The following STAG1 variants were observed in gnomAD, a reference collection of about 807,000 sequenced individuals.
The protein encoded by STAG1 is STAG1 cohesin complex component, also known as cohesin subunit SA-1.
STAG1 carries 26 observed loss-of-function variants against 170.9 expected under a neutral mutation model. The observed-to-expected ratio is 0.15, with a 90% CI of 0.11 to 0.21. STAG1 has a LOEUF of 0.21. Among genes scored for constraint, STAG1 ranks in the 10% least tolerant of loss-of-function variants. The pLI is 1.00. For synonymous variants in STAG1, 514 were observed against 497.7 expected (o/e 1.03, Z -0.44); for missense variants, 964 against 1,509.5 (o/e 0.64, Z 5.99).
At chr3:136,410,675 T>A (rs2087600583) in intron 21 of STAG1, among the ~76,000 whole-genome samples, 1 of 152,176 alleles carries the variant, frequency 6.6e-6, no homozygotes, top group Non-Finnish European at 1.5e-5. Context: ...AAGACTTAAA[T>A]GTAAAAGACT....
chr3:136,542,246 AT>A, intron 5 of STAG1, 51 bp from the exon 6 acceptor site: 1 of 1,348,520 alleles, frequency 7.4e-7, no homozygotes, highest in Middle Eastern at 1.8e-4. Context: ...TTTCAGATCA[AT>A]TTCCACTCTC....
intron 4 of STAG1, among the ~76,000 whole-genome samples, chr3:136,597,613 T>C (rs916930592): frequency 6.6e-6 from 1 of 152,216 alleles, no homozygotes. Flanking sequence ...CTTGTTCTAA[T>C]TGGTTATTAA....
chr3:136,577,186 T>A (rs1438662403), intron 4 of STAG1, among the ~76,000 whole-genome samples: 2 of 152,164 alleles, frequency 1.3e-5, no homozygotes, highest in Non-Finnish European at 2.9e-5. Context: ...CACCTGAGTA[T>A]TCACAGAGAT....
chr3:136,581,521 A>C (rs1476983180), intron 4 of STAG1, among the ~76,000 whole-genome samples: 1 of 152,240 alleles, frequency 6.6e-6, no homozygotes, highest in Non-Finnish European at 1.5e-5. Flanking sequence ...CAAATGACAA[A>C]TAATGTATTT....
chr3:136,608,691 C>T (rs1163463702), intron 3 of STAG1, among the ~76,000 whole-genome samples: 6 of 149,342 alleles, frequency 4.0e-5, no homozygotes, highest in African/African-American at 1.5e-4. Flanking sequence ...GTAGTCCCAG[C>T]TGCTCAGCAG....
intron 23 of STAG1, among the ~76,000 whole-genome samples, chr3:136,370,574 T>C (rs928056106): frequency 3.3e-5 from 5 of 152,140 alleles, no homozygotes; most frequent in Non-Finnish European, 7.4e-5. Context: ...TGTGTTCTCA[T>C]TGTTCAATTC....
At chr3:136,542,535 T>C (rs779516948) in intron 5 of STAG1, among the ~76,000 whole-genome samples, 18 of 152,126 alleles carry the variant, frequency 1.2e-4, no homozygotes, top group Non-Finnish European at 2.2e-4. Context: ...GTATGCAGTT[T>C]GGTAAATGTC....
intron 1 of STAG1, among the ~76,000 whole-genome samples, chr3:136,717,619 G>A (rs1943576235): frequency 6.6e-6 from 1 of 152,100 alleles, no homozygotes; most frequent in Non-Finnish European, 1.5e-5. Context: ...AGCGGAGATC[G>A]TGCCATTGCA....
At chr3:136,601,972 T>C (rs1414193657) in intron 4 of STAG1, among the ~76,000 whole-genome samples, 2 of 152,134 alleles carry the variant, frequency 1.3e-5, no homozygotes, top group African/African-American at 2.4e-5. Flanking sequence ...CAAATATAGA[T>C]GATGATAAGA....
chr3:136,555,740 A>T (rs1323337782), intron 5 of STAG1, among the ~76,000 whole-genome samples: 3 of 144,884 alleles, frequency 2.1e-5, no homozygotes, highest in African/African-American at 7.9e-5. Context: ...TTTAATAGTT[A>T]AAAAAAAAAA....
chr3:136,644,905 A>T (rs1940945338), intron 1 of STAG1, among the ~76,000 whole-genome samples: 1 of 151,968 alleles, frequency 6.6e-6, no homozygotes, highest in African/African-American at 2.4e-5. Flanking sequence ...TATTTTTGGT[A>T]GAGACACAGG....
chr3:136,463,784 CACACACAT>C (rs2089353409), intron 13 of STAG1, among the ~76,000 whole-genome samples: 2 of 130,930 alleles, frequency 1.5e-5, no homozygotes, highest in African/African-American at 5.5e-5. Context: ...CACACACACA[CACACACAT>C]ATACATATAC....
intron 21 of STAG1, among the ~76,000 whole-genome samples, chr3:136,408,354 T>C (rs890059138): frequency 2.6e-5 from 4 of 152,190 alleles, no homozygotes; most frequent in Admixed American, 1.3e-4. Context: ...GAGTTTCTCA[T>C]GGATACACAT....
chr3:136,421,982 T>C (rs2087971002), intron 19 of STAG1, among the ~76,000 whole-genome samples: 1 of 151,822 alleles, frequency 6.6e-6, no homozygotes, highest in African/African-American at 2.4e-5. Flanking sequence ...AACCCATTTC[T>C]ACTAAAAATA....
intron 23 of STAG1, among the ~76,000 whole-genome samples, chr3:136,376,011 ATT>A (rs1553796063): frequency 0.24 from 12,189 of 50,490 alleles, 731 homozygotes; most frequent in East Asian, 0.39. Flanking sequence ...TAAATAAATA[ATT>A]AACAAAATAA....
In STAG1 at chr3:136,708,967, C is replaced by CTTTT. The variant is rs61595071; in HGVS notation, c.-84+43224_-84+43227dup. On this transcript the variant is annotated intron_variant, in intron 1 of 33. Coordinates refer to ENST00000383202, the MANE Select transcript of STAG1 (RefSeq NM_005862.3). ...CACAGGCATGTACCACTGCAGCTGG[C>CTTTT]TTTTTTTTTTTTTTTTTTTTTTTTT... Among the ~76,000 whole-genome samples, 288 of 86,056 alleles carry CTTTT rather than the reference C, an allele frequency of 3.3e-3. 23 individuals carry two copies. Among genetic ancestry groups the CTTTT allele is most frequent in the African/African-American group, 7.8e-3 (157 of 20,252 alleles). The allele number at this position is 86,056 out of a possible 152,430, so 56.5% of individuals were successfully genotyped here.
At chr3:136,358,393 T>G (rs1253758225) in intron 27 of STAG1, among the ~76,000 whole-genome samples, 2 of 151,946 alleles carry the variant, frequency 1.3e-5, no homozygotes, top group Non-Finnish European at 2.9e-5. Context: ...GCCCACTATG[T>G]GTAGTTTTTA....
intron 2 of STAG1, among the ~76,000 whole-genome samples, chr3:136,626,866 G>A (rs377066711): frequency 6.6e-6 from 1 of 152,220 alleles, no homozygotes; most frequent in East Asian, 1.9e-4. Flanking sequence ...CACTTAGTAA[G>A]TGGCAGAGTC....
chr3:136,693,519 G>A (rs1942789193), intron 1 of STAG1, among the ~76,000 whole-genome samples: 1 of 152,196 alleles, frequency 6.6e-6, no homozygotes, highest in Admixed American at 6.5e-5. Flanking sequence ...GCAGTGGGAT[G>A]GCTGTTTACA....
Sources: allele counts gnomAD v4.1 joint callset (sites outside exome capture counted in the v4.1 genomes callset), GRCh38; gene constraint gnomAD v4.1.1; transcripts MANE v1.5; gene names NCBI Gene and HGNC (gene_info 2026-07-23, HGNC 2026-07-21).